CHODL: variants seen among roughly 807,000 people sequenced by gnomAD.
CHODL encodes the protein transmembrane protein MT75.
CHODL carries 29 observed loss-of-function variants against 34.5 expected under a neutral mutation model. The ratio of observed to expected loss-of-function variants is 0.84; its 90% CI spans 0.63 to 1.15. CHODL has a LOEUF of 1.15. Among genes scored for constraint, CHODL ranks in the 50% most tolerant of loss-of-function variants. CHODL has a pLI of 0.00. For synonymous variants in CHODL, 125 were observed against 116.1 expected (o/e 1.08, Z -0.49); for missense variants, 332 against 332.5 (o/e 1.00, Z 0.01).
At chr21:17,918,909 A>C (rs1165830100) in intron 1 of CHODL, among the ~76,000 whole-genome samples, 1 of 152,252 alleles carries the variant, frequency 6.6e-6, no homozygotes, top group African/African-American at 2.4e-5. Flanking sequence ...ACCAAAACGA[A>C]GGGGCTACAG....
intron 1 of CHODL, among the ~76,000 whole-genome samples, chr21:17,984,293 C>G (rs781451250): frequency 2.6e-4 from 39 of 152,144 alleles, no homozygotes; most frequent in Non-Finnish European, 4.7e-4. Context: ...TCAATGGACA[C>G]TATATCTTGG....
At chr21:18,224,548 C>A (rs1381173351) in intron 2 of CHODL, among the ~76,000 whole-genome samples, 1 of 152,072 alleles carries the variant, frequency 6.6e-6, no homozygotes, top group African/African-American at 2.4e-5. Context: ...TGGTACCCAC[C>A]AGAAGCCTTG....
chr21:17,944,613 G>A (rs1467733807), intron 1 of CHODL, among the ~76,000 whole-genome samples: 2 of 152,146 alleles, frequency 1.3e-5, no homozygotes, highest in Non-Finnish European at 2.9e-5. Flanking sequence ...ATTCCAAATA[G>A]TGGAAATGCC....
chr21:17,950,170 T>G (rs2063444372), intron 1 of CHODL, among the ~76,000 whole-genome samples: 1 of 151,990 alleles, frequency 6.6e-6, no homozygotes, highest in Non-Finnish European at 1.5e-5. Flanking sequence ...CAGTTTGAGA[T>G]ACATTTCTAA....
chr21:18,208,421 A>G (rs1264362213), intron 2 of CHODL, among the ~76,000 whole-genome samples: 2 of 152,124 alleles, frequency 1.3e-5, no homozygotes, highest in Non-Finnish European at 2.9e-5. Context: ...TTCCTTAAAA[A>G]CAGCTACTTT....
intron 2 of CHODL, among the ~76,000 whole-genome samples, chr21:18,164,683 T>C (rs989906217): frequency 6.6e-6 from 1 of 151,968 alleles, no homozygotes; most frequent in African/African-American, 2.4e-5. Context: ...CCCTGGTCAT[T>C]TCCTCATCTA....
chr21:18,136,719 CAT>C (rs147280660), intron 2 of CHODL, among the ~76,000 whole-genome samples: 18,914 of 117,914 alleles, frequency 0.16, 1,319 homozygotes, highest in Middle Eastern at 0.2. Context: ...TAAATCAAAG[CAT>C]ATATATATAT....
At chr21:17,953,064 T>C (rs1156436889) in intron 1 of CHODL, among the ~76,000 whole-genome samples, 1 of 152,064 alleles carries the variant, frequency 6.6e-6, no homozygotes, top group Non-Finnish European at 1.5e-5. Context: ...GATTACAATT[T>C]GAGATGAGAT....
intron 2 of CHODL, among the ~76,000 whole-genome samples, chr21:18,079,647 A>G (rs1198953545): frequency 3.3e-5 from 5 of 151,478 alleles, no homozygotes; most frequent in Admixed American, 6.6e-5. Context: ...TCTTTATACA[A>G]TCATCTGTTA....
intron 2 of CHODL, among the ~76,000 whole-genome samples, chr21:18,229,824 C>T (rs145764766): frequency 6.0e-4 from 91 of 152,178 alleles, no homozygotes; most frequent in Middle Eastern, 6.8e-3. Flanking sequence ...TTGTGATAAT[C>T]GCTACATCAT....
At chr21:18,239,639 C>T (rs2074062743) in intron 2 of CHODL, among the ~76,000 whole-genome samples, 1 of 151,930 alleles carries the variant, frequency 6.6e-6, no homozygotes, top group African/African-American at 2.4e-5. Context: ...CACCCTTTCC[C>T]TTTTAGTAAA....
At chr21:18,212,709 C>G (rs974155031) in intron 2 of CHODL, among the ~76,000 whole-genome samples, 29 of 152,114 alleles carry the variant, frequency 1.9e-4, no homozygotes, top group African/African-American at 6.7e-4. Flanking sequence ...TTATAGAAAG[C>G]TTTCTGTAAA....
intron 2 of CHODL, among the ~76,000 whole-genome samples, chr21:18,125,729 G>A (rs567735434): frequency 6.6e-6 from 1 of 152,030 alleles, no homozygotes; most frequent in Admixed American, 6.6e-5. Context: ...CCAAGTAGCT[G>A]GGATTACAGT....
intron 2 of CHODL, among the ~76,000 whole-genome samples, chr21:18,227,698 A>T (rs766952489): frequency 2.0e-5 from 3 of 152,190 alleles, no homozygotes; most frequent in Non-Finnish European, 2.9e-5. Flanking sequence ...AGATGACATT[A>T]TCTAATACAC....
intron 2 of CHODL, among the ~76,000 whole-genome samples, chr21:18,108,196 T>A (rs1163891745): frequency 6.6e-6 from 1 of 151,998 alleles, no homozygotes; most frequent in Non-Finnish European, 1.5e-5. Flanking sequence ...CTCTTGGCCT[T>A]TGGGAATACT....
At chr21:18,265,308 C>CATATATATATAT (rs1335747079) in intron 5 of CHODL, among the ~76,000 whole-genome samples, 1 of 123,328 alleles carries the variant, frequency 8.1e-6, no homozygotes, top group East Asian at 2.0e-4. Flanking sequence ...CACACACACA[C>CATATATATATAT]ACATATATAT....
intron 1 of CHODL, among the ~76,000 whole-genome samples, chr21:17,953,400 G>C (rs893847846): frequency 6.6e-6 from 1 of 152,090 alleles, no homozygotes; most frequent in Non-Finnish European, 1.5e-5. Flanking sequence ...CCAGGAGTTA[G>C]AGACTACAGT....
At chr21:18,074,357 C>T (rs1268188539) in intron 2 of CHODL, among the ~76,000 whole-genome samples, 1 of 152,126 alleles carries the variant, frequency 6.6e-6, no homozygotes, top group East Asian at 1.9e-4. Flanking sequence ...GGATATGGGG[C>T]ACTCTAAGAA....
At chr21:18,225,255 A>G (rs1194974494) in intron 2 of CHODL, among the ~76,000 whole-genome samples, 3 of 152,160 alleles carry the variant, frequency 2.0e-5, no homozygotes, top group African/African-American at 7.2e-5. Context: ...ACTTGAATAA[A>G]ACTTAGATTA....
Sources: gnomAD v4.1 joint callset for allele counts (sites outside exome capture counted in the v4.1 genomes callset) on GRCh38, gnomAD v4.1.1 for gene constraint, MANE v1.5 for transcripts, NCBI Gene and HGNC (gene_info 2026-07-23, HGNC 2026-07-21) for gene names.